Variants in PLA2G4A observed in about 807,000 individuals in gnomAD.
The protein encoded by PLA2G4A is cytosolic phospholipase A2.
Under a neutral mutation model 81.9 loss-of-function variants are expected in PLA2G4A, and 40 were observed. The ratio of observed to expected loss-of-function variants is 0.49; its 90% confidence interval spans 0.38 to 0.64. The LOEUF (loss-of-function observed/expected upper bound fraction) is 0.64, where lower values mean the gene tolerates loss of function less well. Ranked by LOEUF, PLA2G4A falls within the 30% of genes least tolerant of loss-of-function variation. PLA2G4A has a pLI of 0.00. For synonymous variants in PLA2G4A, 302 were observed against 296.9 expected (o/e 1.02, Z -0.18); for missense variants, 715 against 905.1 (o/e 0.79, Z 2.69).
intron 2 of PLA2G4A, among the ~76,000 whole-genome samples, chr1:186,862,031 A>G (rs1652821362): frequency 6.7e-6 from 1 of 150,172 alleles, no homozygotes; most frequent in Non-Finnish European, 1.5e-5. Flanking sequence ...GAGTGTAGAA[A>G]TAATAAAAAT....
intron 17 of PLA2G4A, among the ~76,000 whole-genome samples, chr1:186,981,615 T>C (rs921743749): frequency 6.6e-6 from 1 of 152,198 alleles, no homozygotes; most frequent in African/African-American, 2.4e-5. Context: ...GTGTACAGTT[T>C]AGTGGCATTA....
chr1:186,962,763 A>G (rs891866529), intron 14 of PLA2G4A, among the ~76,000 whole-genome samples: 8 of 151,876 alleles, frequency 5.3e-5, no homozygotes, highest in Admixed American at 5.2e-4. Context: ...CTCGTGATCC[A>G]CCCGCCTCGG....
At chr1:186,911,476 A>C in intron 7 of PLA2G4A, 87 bp downstream of exon 7, 2 of 960,762 alleles carry the variant, frequency 2.1e-6, no homozygotes, top group Non-Finnish European at 3.4e-6. Flanking sequence ...CAAATATGGC[A>C]ATATTGAGAT....
intron 1 of PLA2G4A, among the ~76,000 whole-genome samples, chr1:186,845,517 G>A (rs1189615663): frequency 2.0e-5 from 3 of 152,122 alleles, no homozygotes; most frequent in African/African-American, 7.2e-5. Context: ...CATTCTGGCT[G>A]CAGTCAAGAA....
intron 1 of PLA2G4A, among the ~76,000 whole-genome samples, chr1:186,837,555 C>T (rs1651824862): frequency 6.7e-6 from 1 of 149,374 alleles, no homozygotes; most frequent in African/African-American, 2.5e-5. Context: ...CGGTGAAACC[C>T]CATCTGTACT....
chr1:186,932,803 G>A lies in PLA2G4A; in HGVS notation c.599G>A (p.Arg200Gln). The A allele has an allele frequency of 6.2e-7, 1 of 1,613,468 alleles. No individual in the cohort carries two copies. Among genetic ancestry groups the A allele is most frequent in the Non-Finnish European group, 8.5e-7 (1 of 1,179,442 alleles). ...VAILGSGGGF[R>Q]AMVGFSGVMK... ...ATATTGGGTTCAGGTGGGGGTTTCCGAGCCATGGTGGGATTCTCTGGTGTG... is the reference window on the plus strand; with the variant it reads ...ATATTGGGTTCAGGTGGGGGTTTCCAAGCCATGGTGGGATTCTCTGGTGTG... Residue 200 changes from arginine (R) to glutamine (Q), a missense_variant, in exon 8 of 18, where the codon CGA becomes CAA. Transcript: ENST00000367466.
intron 1 of PLA2G4A, among the ~76,000 whole-genome samples, chr1:186,830,786 TAGAA>T (rs1651526770): frequency 1.3e-5 from 2 of 152,044 alleles, no homozygotes; most frequent in African/African-American, 4.8e-5. Flanking sequence ...TGCTGGTACT[TAGAA>T]AGCAGTCATA....
chr1:186,870,262 A>G (rs751764199), intron 2 of PLA2G4A, among the ~76,000 whole-genome samples, 173 bp from the exon 3 acceptor site: 8 of 152,196 alleles, frequency 5.3e-5, no homozygotes, highest in Non-Finnish European at 8.8e-5. Context: ...TCTAAACTCA[A>G]TGATTCTGTG....
chr1:186,862,876 G>C (rs570603265), intron 2 of PLA2G4A, among the ~76,000 whole-genome samples: 1 of 152,292 alleles, frequency 6.6e-6, no homozygotes, highest in African/African-American at 2.4e-5. Context: ...CTCAGTCACT[G>C]TTACTCCAGA....
chr1:186,847,346 A>G (rs1652212562), intron 1 of PLA2G4A, among the ~76,000 whole-genome samples: 2 of 135,682 alleles, frequency 1.5e-5, no homozygotes, highest in Non-Finnish European at 3.1e-5. Context: ...CTTTTGTGCT[A>G]TTATTTCATA....
chr1:186,869,475 C>T (rs572727146), intron 2 of PLA2G4A, among the ~76,000 whole-genome samples: 36 of 152,138 alleles, frequency 2.4e-4, no homozygotes, highest in Non-Finnish European at 4.3e-4. Flanking sequence ...GTGATTTCTA[C>T]AGAAGCTATT....
At chr1:186,944,583 T>C (rs1557885881) in intron 10 of PLA2G4A, among the ~76,000 whole-genome samples, 1 of 152,166 alleles carries the variant, frequency 6.6e-6, no homozygotes, top group Non-Finnish European at 1.5e-5. Context: ...ATGAAGAATA[T>C]ATGTACCATT....
intron 15 of PLA2G4A, among the ~76,000 whole-genome samples, chr1:186,972,540 T>G (rs1657394054): frequency 6.6e-6 from 1 of 152,212 alleles, no homozygotes; most frequent in African/African-American, 2.4e-5. Context: ...CCCCTTTATC[T>G]TACTAACTTT....
At chr1:186,941,539 A>G (rs1656155368) in intron 10 of PLA2G4A, among the ~76,000 whole-genome samples, 1 of 152,214 alleles carries the variant, frequency 6.6e-6, no homozygotes, top group African/African-American at 2.4e-5. Context: ...CAACAGAAGA[A>G]AAACGAAAAC....
At chr1:186,910,159 G>T (rs143244548) in intron 6 of PLA2G4A, among the ~76,000 whole-genome samples, 3 of 152,048 alleles carry the variant, frequency 2.0e-5, no homozygotes, top group Admixed American at 1.3e-4. Flanking sequence ...ACTATTATTT[G>T]TAATGGTCAA....
chr1:186,920,741 G>C (rs114456379), intron 7 of PLA2G4A, among the ~76,000 whole-genome samples: 2,823 of 152,296 alleles, frequency 0.019, 41 homozygotes, highest in Admixed American at 0.029. Flanking sequence ...CCTTTCAGGG[G>C]AATTCCCCTA....
At chr1:186,903,797 T>A (rs934144905) in intron 5 of PLA2G4A, among the ~76,000 whole-genome samples, 3 of 152,160 alleles carry the variant, frequency 2.0e-5, no homozygotes, top group African/African-American at 7.2e-5. Context: ...TATATTACAA[T>A]GTAATAATAA....
chr1:186,874,101 G>A (rs189492765), intron 3 of PLA2G4A, among the ~76,000 whole-genome samples: 1 of 152,236 alleles, frequency 6.6e-6, no homozygotes, highest in East Asian at 1.9e-4. Flanking sequence ...TGTTGTAGAT[G>A]TGATATGTAA....
intron 10 of PLA2G4A, among the ~76,000 whole-genome samples, chr1:186,946,424 G>A (rs1439890592): frequency 6.9e-6 from 1 of 145,454 alleles, no homozygotes; most frequent in Non-Finnish European, 1.5e-5. Flanking sequence ...GGATCTTTTT[G>A]TATCGTCTTG....
Sources: gnomAD v4.1 joint callset for allele counts (sites outside exome capture counted in the v4.1 genomes callset) on GRCh38, gnomAD v4.1.1 for gene constraint, MANE v1.5 for transcripts, NCBI Gene and HGNC (gene_info 2026-07-23, HGNC 2026-07-21) for gene names.